LY75: variants seen among roughly 807,000 people sequenced by gnomAD.
The protein encoded by LY75 is C-type lectin domain family 13 member B.
Under a neutral mutation model 231.7 loss-of-function variants are expected in LY75, and 185 were observed. The ratio of observed to expected loss-of-function variants is 0.80; its 90% CI spans 0.71 to 0.90. The LOEUF is 0.90. Ranked by LOEUF, LY75 falls within the 40% of genes least tolerant of loss-of-function variation. The probability of loss-of-function intolerance (pLI) is 0.00; values close to 1 mark genes in which losing one functional copy is unlikely to be tolerated. For synonymous variants in LY75, 668 were observed against 689.0 expected (o/e 0.97, Z 0.48); for missense variants, 1,947 against 2,050.2 (o/e 0.95, Z 0.97).
At chr2:159,887,566 CAAAAAAAAA>C (rs369452762) in intron 4 of LY75, among the ~76,000 whole-genome samples, 2 of 103,828 alleles carry the variant, frequency 1.9e-5, no homozygotes, top group African/African-American at 4.6e-5. Context: ...TCAACAACAA[CAAAAAAAAA>C]AAAAAAAAAG....
chr2:159,887,687 AAGAAGCTTTCACACTGG>A (rs1206602697), intron 4 of LY75, among the ~76,000 whole-genome samples: 4 of 152,258 alleles, frequency 2.6e-5, no homozygotes, highest in Non-Finnish European at 5.9e-5. Context: ...TGATATGCCT[AAGAAGCTTTCACACTGG>A]AAGAGGAACT....
At chr2:159,850,800 T>TATATATATATATATATATA (rs1560081076) in intron 21 of LY75, among the ~76,000 whole-genome samples, 7 of 59,400 alleles carry the variant, frequency 1.2e-4, no homozygotes, top group African/African-American at 2.5e-4. Context: ...ATATATATAT[T>TATATATATATATATATATA]ATATCTTATA....
At chr2:159,841,237 C>A (rs976542323) in intron 24 of LY75, among the ~76,000 whole-genome samples, 4 of 152,156 alleles carry the variant, frequency 2.6e-5, no homozygotes, top group African/African-American at 7.2e-5. Context: ...ATTATCATGT[C>A]ATGTCGGTGC....
chr2:159,834,075 C>T lies in LY75; in HGVS notation c.3810G>A (p.Gln1270=), dbSNP rs752181889. The T allele has an allele frequency of 8.7e-6, 14 of 1,613,664 alleles. No homozygotes were observed. Among genetic ancestry groups the T allele is most frequent in the Admixed American group, 3.3e-5 (2 of 59,980 alleles). ...ITKNRHMATT[Q]DEVHTKCQKL... Reference sequence around the variant, plus strand: ...TCTGGCATTTAGTATGAACTTCATCCTGTGTTGTTGCCATATGCCTATTCT... The same window carrying T: ...TCTGGCATTTAGTATGAACTTCATCTTGTGTTGTTGCCATATGCCTATTCT... Residue 1270 remains glutamine, a synonymous_variant, in exon 27 of 35, where the codon CAG becomes CAA. Coordinates refer to ENST00000263636, the MANE Select transcript of LY75 (RefSeq NM_002349.4).
intron 1 of LY75, among the ~76,000 whole-genome samples, chr2:159,901,604 A>G (rs1574607169): frequency 6.6e-6 from 1 of 152,350 alleles, no homozygotes; most frequent in Non-Finnish European, 1.5e-5. Flanking sequence ...ACATTTCTTT[A>G]TACAGTGGAA....
chr2:159,825,397 G>T (rs552012816), intron 28 of LY75, among the ~76,000 whole-genome samples: 1 of 152,244 alleles, frequency 6.6e-6, no homozygotes, highest in Admixed American at 6.5e-5. Flanking sequence ...ACCCTCCCAA[G>T]TCTAAACCAG....
At chr2:159,819,645 G>A in intron 29 of LY75, 81 bp downstream of exon 29, 5 of 1,464,618 alleles carry the variant, frequency 3.4e-6, no homozygotes, top group Non-Finnish European at 4.6e-6. Context: ...GCATTTGATT[G>A]TATGATTCCC....
chr2:159,847,340 A>G (rs1455417505), intron 23 of LY75, among the ~76,000 whole-genome samples: 1 of 151,766 alleles, frequency 6.6e-6, no homozygotes, highest in Non-Finnish European at 1.5e-5. Context: ...AATTAAAACA[A>G]TTTTTTTTAG....
intron 1 of LY75, 132 bp from the exon 2 acceptor site, chr2:159,899,191 G>T (rs777659692): frequency 1.3e-6 from 2 of 1,482,066 alleles, no homozygotes; most frequent in Non-Finnish European, 1.8e-6. Context: ...AAGCTGCAGG[G>T]GACTACAAAA....
chr2:159,822,555 A>G lies in LY75; in HGVS notation c.3959-2635T>C, dbSNP rs141032513. Among the ~76,000 whole-genome samples, 328 of 152,300 alleles carry G rather than the reference A, an allele frequency of 2.2e-3. 3 individuals are homozygous for G. The highest frequency in any genetic ancestry group is 7.6e-3 in the African/African-American group (316 of 41,580). The stretch of plus-strand genomic sequence containing the variant: ...ACAGTCAGGGACTTATAGCAGAGTT[A>G]AACATCCCTGCCTGATGGCTCTGAA... On this transcript the variant is annotated intron_variant, in intron 28 of 34. Coordinates refer to ENST00000263636, the MANE Select transcript of LY75 (RefSeq NM_002349.4).
At chr2:159,841,103 A>G (rs1684012157) in intron 24 of LY75, 148 bp from the exon 25 acceptor site, 5 of 1,259,906 alleles carry the variant, frequency 4.0e-6, no homozygotes, top group Non-Finnish European at 5.3e-6. Flanking sequence ...AGAATTAGGT[A>G]TGTCTTGCTG....
intron 28 of LY75, among the ~76,000 whole-genome samples, chr2:159,820,775 A>G (rs1293584144): frequency 6.6e-6 from 1 of 152,258 alleles, no homozygotes; most frequent in African/African-American, 2.4e-5. Context: ...ATAAGTTATA[A>G]AAGTCACCAC....
At chr2:159,831,032 T>C (rs1408933964) in intron 28 of LY75, among the ~76,000 whole-genome samples, 1 of 152,242 alleles carries the variant, frequency 6.6e-6, no homozygotes. Flanking sequence ...TGAAGATTTA[T>C]ATGGGATGGT....
intron 32 of LY75, among the ~76,000 whole-genome samples, chr2:159,809,992 C>G (rs1459018796): frequency 6.6e-6 from 1 of 151,276 alleles, no homozygotes; most frequent in East Asian, 2.0e-4. Flanking sequence ...CTTTAAAATT[C>G]TACTTCTTCC....
At chr2:159,880,645 C>A (rs1685406738) in intron 8 of LY75, among the ~76,000 whole-genome samples, 1 of 152,204 alleles carries the variant, frequency 6.6e-6, no homozygotes, top group South Asian at 2.1e-4. Flanking sequence ...TTTAAAGTAG[C>A]TACCAGAAAG....
At chr2:159,806,319 G>A (rs974389248) in intron 34 of LY75, among the ~76,000 whole-genome samples, 3 of 152,116 alleles carry the variant, frequency 2.0e-5, no homozygotes, top group Admixed American at 1.3e-4. Flanking sequence ...TACTGTCTCA[G>A]TGTGTGTATA....
At chr2:159,848,093 T>TATATACACACAC in intron 23 of LY75, among the ~76,000 whole-genome samples, 1 of 28,548 alleles carries the variant, frequency 3.5e-5, no homozygotes, top group Non-Finnish European at 7.9e-5. Flanking sequence ...TATATATATA[T>TATATACACACAC]ACACACACAC....
In LY75 at chr2:159,824,032, T is replaced by C. The variant is rs552088921; in HGVS notation, c.3959-4112A>G. Among the ~76,000 whole-genome samples, 6 of 152,286 alleles carry C rather than the reference T, an allele frequency of 3.9e-5. No individual in the cohort carries two copies. In the South Asian group the frequency reaches 1.2e-3, roughly 32 times the overall value. On this transcript the variant is annotated intron_variant, in intron 28 of 34. Coordinates refer to ENST00000263636, the MANE Select transcript of LY75 (RefSeq NM_002349.4). Reference sequence around the variant, plus strand: ...AAGAACATTCACACTATGAAGAAACTGCATCAACTAACATGCAAAACAATC... The same window carrying C: ...AAGAACATTCACACTATGAAGAAACCGCATCAACTAACATGCAAAACAATC...
At chr2:159,831,079 G>C (rs1236490446) in intron 28 of LY75, among the ~76,000 whole-genome samples, 6 of 152,118 alleles carry the variant, frequency 3.9e-5, no homozygotes, top group Non-Finnish European at 1.5e-5. Flanking sequence ...CTACATAAAA[G>C]AGTGAAAAAA....
Sources: gnomAD v4.1 joint callset for allele counts (sites outside exome capture counted in the v4.1 genomes callset) on GRCh38, gnomAD v4.1.1 for gene constraint, MANE v1.5 for transcripts, NCBI Gene and HGNC (gene_info 2026-07-23, HGNC 2026-07-21) for gene names.